Variants in ERBIN observed in about 807,000 individuals in gnomAD.
ERBIN encodes the protein erbb2 interacting protein.
A neutral mutation model predicts 158.4 loss-of-function variants in ERBIN; 60 were observed. That is an observed-to-expected ratio of 0.38 (90% CI 0.31 to 0.47). The LOEUF (loss-of-function observed/expected upper bound fraction) is 0.47. Ranked by LOEUF, ERBIN falls within the 20% of genes least tolerant of loss-of-function variation. ERBIN has a pLI of 0.99. For synonymous variants in ERBIN, 594 were observed against 557.2 expected (o/e 1.07, Z -0.93); for missense variants, 1,610 against 1,648.0 (o/e 0.98, Z 0.40).
chr5:66,066,691 G>C (rs537381378), intron 21 of ERBIN, among the ~76,000 whole-genome samples: 1 of 152,244 alleles, frequency 6.6e-6, no homozygotes, highest in African/African-American at 2.4e-5. Flanking sequence ...CATTCCTTAT[G>C]AGAACTCAGA....
intron 5 of ERBIN, among the ~76,000 whole-genome samples, chr5:66,012,938 T>C (rs952586216): frequency 3.3e-5 from 5 of 152,372 alleles, no homozygotes; most frequent in South Asian, 2.1e-4. Flanking sequence ...GAGCCAAATA[T>C]TGAAATTGAA....
At chr5:65,957,602 C>G (rs1241179184) in intron 1 of ERBIN, among the ~76,000 whole-genome samples, 1 of 152,180 alleles carries the variant, frequency 6.6e-6, no homozygotes, top group East Asian at 1.9e-4. Context: ...ATGGAGTCTC[C>G]CATGTCTACT....
chr5:65,961,067 A>G (rs1039857932), intron 1 of ERBIN: 4 of 152,224 alleles, frequency 2.6e-5, no homozygotes, highest in Non-Finnish European at 1.5e-5. Flanking sequence ...AAAAATTTTA[A>G]ACATTTGATT....
rs1246295503 is a variant in ERBIN, at chr5:66,082,070, G to C, written c.*3540G>C. 2.0e-5 allele frequency: 3 copies of C among 152,068 alleles called. No individual in the cohort carries two copies. The highest frequency in any genetic ancestry group is 2.0e-4 in the Admixed American group (3 of 15,274). 9.4% of individuals were successfully genotyped at this position (152,068 alleles called of 1,614,324 possible). A position where few individuals can be genotyped will look rare whatever the true frequency, so the allele number is the denominator to read the frequency against. On this transcript the variant is annotated 3_prime_UTR_variant, in exon 26 of 26. Transcript: ENST00000284037. ...GATAGTAAGTAGTCATTTAGTTTTGGAAAGTTCTTAAGAGAATGCTATCTT... is the reference window on the plus strand; with the variant it reads ...GATAGTAAGTAGTCATTTAGTTTTGCAAAGTTCTTAAGAGAATGCTATCTT...
chr5:66,038,386 A>C lies in ERBIN; in HGVS notation c.1210A>C (p.Lys404Gln), dbSNP rs1309468740. The C allele has an allele frequency of 6.2e-7, 1 of 1,606,210 alleles. No individual in the cohort carries two copies. Among genetic ancestry groups the C allele is most frequent in the East Asian group, 2.2e-5 (1 of 44,714 alleles). The change falls in exon 15 of 26, where the codon AAA (lysine) becomes CAA (glutamine). Residue 404 changes from lysine to glutamine, a missense_variant. Around this residue, in one of 2 missense-constraint regions of ERBIN, gnomAD observed 596 missense variants for 711.9 expected, o/e 0.84. Coordinates refer to ENST00000284037, the MANE Select transcript of ERBIN (RefSeq NM_001253697.2). The part of the protein sequence containing the change: ...TAMWLSDNQS[K>Q]PLIPLQKETD... ...AGCATTTATTTTCCTTCTCTAGTCCAAACCCCTGATACCTCTTCAAAAAGA... is the reference window on the plus strand; with the variant it reads ...AGCATTTATTTTCCTTCTCTAGTCCCAACCCCTGATACCTCTTCAAAAAGA...
chr5:66,068,889 A>G (rs771065568), intron 21 of ERBIN: 18 of 1,534,858 alleles, frequency 1.2e-5, no homozygotes, highest in African/African-American at 5.5e-5. Context: ...CATGCTGTCA[A>G]GGTCCTTTAA....
chr5:66,045,608 G>T (rs558157675), intron 17 of ERBIN, among the ~76,000 whole-genome samples: 1 of 152,058 alleles, frequency 6.6e-6, no homozygotes, highest in South Asian at 2.1e-4. Context: ...TAAGTGCCAC[G>T]TGACTGCACT....
At chr5:66,005,590 G>A (rs1302023146) in intron 4 of ERBIN, among the ~76,000 whole-genome samples, 4 of 152,172 alleles carry the variant, frequency 2.6e-5, no homozygotes, top group African/African-American at 9.7e-5. Context: ...ATTCAGTTAG[G>A]AAAAGAGGAA....
rs76411389 is a variant in ERBIN at position 65,932,248 on chromosome 5, A to G, written c.-58+5442A>G. Among the ~76,000 whole-genome samples the G allele has an allele frequency of 3.3e-5, 5 of 150,822 alleles. No homozygotes were observed. The East Asian group carries it at 6.1e-4, about 18-fold the overall frequency. On this transcript the variant is annotated intron_variant, in intron 1 of 25. Transcript: ENST00000284037. ...CAGCTACTCAGGAGGCTGAGGCAGG[A>G]GAATTGCCTGAACTCGGGAGGTGGA...
chr5:65,967,273 T>G (rs1748751108), intron 1 of ERBIN, among the ~76,000 whole-genome samples: 1 of 152,124 alleles, frequency 6.6e-6, no homozygotes, highest in Non-Finnish European at 1.5e-5. Context: ...ATAGCCTAAG[T>G]GTTTATAAAG....
chr5:66,028,652 A>G (rs1756528468), intron 14 of ERBIN, among the ~76,000 whole-genome samples: 1 of 152,198 alleles, frequency 6.6e-6, no homozygotes, highest in Non-Finnish European at 1.5e-5. Flanking sequence ...CCTATTTTAT[A>G]GTGAGAACAC....
At chr5:65,979,894 G>T (rs1750462070) in intron 1 of ERBIN, among the ~76,000 whole-genome samples, 1 of 152,108 alleles carries the variant, frequency 6.6e-6, no homozygotes, top group Non-Finnish European at 1.5e-5. Flanking sequence ...AAATATAAGA[G>T]CACAAAAGTT....
chr5:65,963,863 C>A (rs890296718), intron 1 of ERBIN, among the ~76,000 whole-genome samples: 3 of 149,156 alleles, frequency 2.0e-5, no homozygotes, highest in Admixed American at 6.7e-5. Flanking sequence ...GATTTCAACT[C>A]ACTGCAAGCT....
chr5:65,977,964 A>G (rs1345915451), intron 1 of ERBIN, among the ~76,000 whole-genome samples: 1 of 150,470 alleles, frequency 6.6e-6, no homozygotes, highest in Non-Finnish European at 1.5e-5. Context: ...GTTAGGGGAG[A>G]GGGAGAGGGA....
At chr5:66,074,655 A>G (rs1761822953) in intron 22 of ERBIN, among the ~76,000 whole-genome samples, 1 of 152,206 alleles carries the variant, frequency 6.6e-6, no homozygotes, top group Admixed American at 6.5e-5. Flanking sequence ...ACTGGCTTAA[A>G]TTTTAAAATT....
chr5:66,042,568 G>A (rs1350326608), intron 15 of ERBIN, among the ~76,000 whole-genome samples: 2 of 151,902 alleles, frequency 1.3e-5, no homozygotes, highest in African/African-American at 4.8e-5. Flanking sequence ...AGAATTTTTT[G>A]CATTTTGGAT....
intron 4 of ERBIN, 92 bp downstream of exon 4, chr5:65,994,956 A>G: frequency 2.6e-6 from 2 of 768,378 alleles, no homozygotes; most frequent in East Asian, 2.9e-5. Flanking sequence ...AAATATAAAA[A>G]TAAGTTAAAT....
chr5:66,055,092 A>T lies in ERBIN; in HGVS notation c.3633+141A>T. The stretch of plus-strand genomic sequence containing the variant: ...CTCTGGTACTGGGAATAGAGTTCCA[A>T]ATTTAAACTCAGCCAGGACAATTGG... On this transcript the variant is annotated intron_variant, in intron 21 of 25. Coordinates refer to ENST00000284037, the MANE Select transcript of ERBIN (RefSeq NM_001253697.2). 4 of 1,408,970 alleles carry T rather than the reference A, an allele frequency of 2.8e-6. No individual in the cohort carries two copies. The South Asian group carries it at 6.7e-5, about 24-fold the overall frequency. The allele number at this position is 1,408,970 out of a possible 1,614,324, so 87.3% of individuals were successfully genotyped here. A position where few individuals can be genotyped will look rare whatever the true frequency, so the allele number is the denominator to read the frequency against.
intron 7 of ERBIN, among the ~76,000 whole-genome samples, chr5:66,018,466 ATATATAT>A (rs1188816701): frequency 3.6e-4 from 2 of 5,498 alleles, no homozygotes; most frequent in African/African-American, 1.3e-3. Context: ...ATATTATATA[ATATATAT>A]TATATATTAT....
Sources: gnomAD v4.1 joint callset for allele counts (sites outside exome capture counted in the v4.1 genomes callset) on GRCh38, gnomAD v4.1.1 for gene constraint, gnomAD v4.1.1 regional missense constraint, MANE v1.5 for transcripts, NCBI Gene and HGNC (gene_info 2026-07-23, HGNC 2026-07-21) for gene names.